The following NRXN1 variants were observed in gnomAD, a reference collection of about 807,000 sequenced individuals.
NRXN1 encodes neurexin 1, also known as neurexin-1.
Under a neutral mutation model 150.9 loss-of-function variants are expected in NRXN1, and 39 were observed. The ratio of observed to expected loss-of-function variants is 0.26; its 90% confidence interval spans 0.20 to 0.34. The LOEUF (loss-of-function observed/expected upper bound fraction) is 0.34, where lower values mean the gene tolerates loss of function less well. Among genes scored for constraint, NRXN1 ranks in the 10% least tolerant of loss-of-function variants. The pLI, the probability that NRXN1 is intolerant of heterozygous loss-of-function variation, is 1.00. For synonymous variants in NRXN1, 924 were observed against 757.0 expected, an observed-to-expected ratio of 1.22 and a Z score of -3.62; for missense variants, 1,815 against 1,949.9, an observed-to-expected ratio of 0.93 and a Z score of 1.30.
chr2:50,613,072 T>C (rs1445944688), intron 8 of NRXN1, among the ~76,000 whole-genome samples: 1 of 152,196 alleles, frequency 6.6e-6, no homozygotes, highest in African/African-American at 2.4e-5. Flanking sequence ...GCCTTTGACA[T>C]TTCCACAAAC....
intron 17 of NRXN1, among the ~76,000 whole-genome samples, chr2:50,439,008 C>T (rs948324475): frequency 3.9e-5 from 6 of 152,120 alleles, no homozygotes; most frequent in South Asian, 2.1e-4. Context: ...GAGGGATATG[C>T]CTTTACATAA....
At chr2:50,018,818 T>C (rs921314885) in intron 21 of NRXN1, among the ~76,000 whole-genome samples, 2 of 152,194 alleles carry the variant, frequency 1.3e-5, no homozygotes, top group Middle Eastern at 3.2e-3. Context: ...TTTCCATTTA[T>C]GTAGAATGGG....
chr2:50,537,897 T>C (rs1360248451), intron 10 of NRXN1, among the ~76,000 whole-genome samples: 1 of 152,168 alleles, frequency 6.6e-6, no homozygotes, highest in Non-Finnish European at 1.5e-5. Context: ...CTAGAAGCCA[T>C]AGGTATGTAT....
intron 18 of NRXN1, among the ~76,000 whole-genome samples, chr2:50,232,515 T>C (rs1467684350): frequency 1.3e-5 from 2 of 151,366 alleles, no homozygotes; most frequent in East Asian, 2.0e-4. Flanking sequence ...GACTCCCAAG[T>C]AGCTGGGACT....
intron 10 of NRXN1, among the ~76,000 whole-genome samples, chr2:50,536,550 T>C (rs192163235): frequency 2.0e-5 from 3 of 152,306 alleles, no homozygotes; most frequent in East Asian, 3.9e-4. Context: ...CCACGCATAG[T>C]TAACAGAAAG....
chr2:50,990,289 A>G (rs1359720614), intron 2 of NRXN1, among the ~76,000 whole-genome samples: 2 of 151,956 alleles, frequency 1.3e-5, no homozygotes, highest in Non-Finnish European at 2.9e-5. Flanking sequence ...TTTGAAGCCC[A>G]GTGCTAAAAA....
chr2:50,058,533 A>G (rs1693989071), intron 19 of NRXN1, among the ~76,000 whole-genome samples: 1 of 147,576 alleles, frequency 6.8e-6, no homozygotes, highest in South Asian at 2.2e-4. Flanking sequence ...TTGTTCTCCT[A>G]CTAGAATAAA....
intron 18 of NRXN1, among the ~76,000 whole-genome samples, chr2:50,196,877 G>T (rs965921893): frequency 6.6e-6 from 1 of 152,048 alleles, no homozygotes; most frequent in African/African-American, 2.4e-5. Flanking sequence ...CGAACACAAA[G>T]AAGGAAACAA....
chr2:50,540,195 G>A (rs1276528142), intron 9 of NRXN1, among the ~76,000 whole-genome samples: 2 of 152,208 alleles, frequency 1.3e-5, no homozygotes, highest in Non-Finnish European at 2.9e-5. Flanking sequence ...CAAAGGCATT[G>A]CTATTTTGGC....
At chr2:50,472,208 T>G in intron 16 of NRXN1, 90 bp downstream of exon 16, 1 of 1,138,082 alleles carries the variant, frequency 8.8e-7, no homozygotes, top group Non-Finnish European at 1.2e-6. Flanking sequence ...ATTTGACCAG[T>G]TATCAGAATT....
At chr2:50,488,492 T>G (rs11125311) in intron 15 of NRXN1, among the ~76,000 whole-genome samples, 8,304 of 152,154 alleles carry the variant, frequency 0.055, 784 homozygotes, top group African/African-American at 0.19. Flanking sequence ...TTGGGCAGCT[T>G]TTGGGAGGCA....
intron 18 of NRXN1, among the ~76,000 whole-genome samples, chr2:50,107,257 TAAA>T (rs3046682): frequency 0.019 from 2,732 of 143,814 alleles, 40 homozygotes; most frequent in Middle Eastern, 0.059. Flanking sequence ...TCTGATACAT[TAAA>T]AAAAAAAAAA....
At chr2:50,694,444 G>A (rs1046549807) in intron 5 of NRXN1, among the ~76,000 whole-genome samples, 6 of 152,120 alleles carry the variant, frequency 3.9e-5, no homozygotes, top group Non-Finnish European at 7.4e-5. Context: ...AACATTTGAT[G>A]TAAATAATAA....
rs536961893 is a variant in NRXN1, at chr2:50,661,865, C to G, written c.833-38250G>C. On this transcript the variant is annotated intron_variant, in intron 5 of 22. Transcript: ENST00000401669. ...GGTAGCCGTCTCTCCCCAGGCAGGC[C>G]TGTTGTTATATTCATGAAGTGCTTC... is the stretch of plus-strand genomic sequence containing the variant. Among the ~76,000 whole-genome samples the G allele has an allele frequency of 3.3e-5, 5 of 152,130 alleles. No individual in the cohort carries two copies. The East Asian group carries it at 9.7e-4, about 30-fold the overall frequency.
At chr2:50,279,262 T>A (rs1247076556) in intron 17 of NRXN1, among the ~76,000 whole-genome samples, 1 of 152,154 alleles carries the variant, frequency 6.6e-6, no homozygotes, top group Non-Finnish European at 1.5e-5. Context: ...AAATTTATAA[T>A]AATATCACTG....
At chr2:50,692,655 C>A (rs1282387918) in intron 5 of NRXN1, among the ~76,000 whole-genome samples, 1 of 152,040 alleles carries the variant, frequency 6.6e-6, no homozygotes, top group Non-Finnish European at 1.5e-5. Context: ...TTAGATTTGC[C>A]AGCAATAATG....
Position 50,506,854 on chromosome 2 carries a change from T to C in NRXN1, c.2375-237A>G. On this transcript the variant is annotated intron_variant, in intron 12 of 22. Transcript: ENST00000401669. ...AGGAAAATGACAACTTTTACAAACA[T>C]TCAGGTGTGACCATTTAAGAATCTT... is the stretch of plus-strand genomic sequence containing the variant. The C allele has an allele frequency of 8.0e-6, 4 of 497,872 alleles. No individual in the cohort carries two copies. The South Asian group carries it at 8.9e-5, about 11-fold the overall frequency. 30.8% of individuals were successfully genotyped at this position (497,872 alleles called of 1,614,324 possible).
At chr2:50,503,571 A>T (rs201763803) in intron 13 of NRXN1, among the ~76,000 whole-genome samples, 1 of 3,400 alleles carries the variant, frequency 2.9e-4, no homozygotes, top group Admixed American at 1.1e-3. Flanking sequence ...AAGAAAAATT[A>T]AAAAAAAAAT....
chr2:49,921,867 A>T lies in NRXN1; in HGVS notation c.*77T>A. 3 of 1,439,486 alleles carry T rather than the reference A, an allele frequency of 2.1e-6. No homozygotes were observed. The highest frequency in any genetic ancestry group is 2.9e-6 in the Non-Finnish European group (3 of 1,040,216). The allele number at this position is 1,439,486 out of a possible 1,614,324, so 89.2% of individuals were successfully genotyped here. A position where few individuals can be genotyped will look rare whatever the true frequency, so the allele number is the denominator to read the frequency against. The stretch of plus-strand genomic sequence containing the variant: ...CTTTTGTATGTGCTTCATAAAAAGG[A>T]AAGTAAATAAGTTTATATTATGTCT... On this transcript the variant is annotated 3_prime_UTR_variant, in exon 23 of 23. Transcript: ENST00000401669.
Sources: gnomAD v4.1 joint callset for allele counts (sites outside exome capture counted in the v4.1 genomes callset) on GRCh38, gnomAD v4.1.1 for gene constraint, MANE v1.5 for transcripts, NCBI Gene and HGNC (gene_info 2026-07-23, HGNC 2026-07-21) for gene names.